Variants in RBFOX1 observed in about 807,000 individuals in gnomAD.
RBFOX1 encodes RNA binding fox-1 homolog 1.
Under a neutral mutation model 57.7 loss-of-function variants are expected in RBFOX1, and 8 were observed. That is an observed-to-expected ratio of 0.14 (90% confidence interval 0.08 to 0.25). The LOEUF is 0.25. Ranked by LOEUF, RBFOX1 falls within the 10% of genes least tolerant of loss-of-function variation. The pLI is 1.00. For missense variants in RBFOX1, 611 were observed against 548.5 expected (o/e 1.11, Z -1.14); for synonymous variants, 326 against 222.4 (o/e 1.47, Z -4.15).
intron 2 of RBFOX1, among the ~76,000 whole-genome samples, chr16:5,471,569 A>G (rs1474925852): frequency 6.6e-6 from 1 of 151,882 alleles, no homozygotes; most frequent in Non-Finnish European, 1.5e-5. Flanking sequence ...GTAGGTGCCC[A>G]CCCCCGGAGA....
In RBFOX1 at chr16:5,392,588, G is replaced by C; in HGVS notation, c.220-74628G>C. Reference sequence around the variant, plus strand: ...GGGTCTCATCGTGTCACCCAGGCTGGAGTGCAGTGGTGCAATCACGACTCA... The same window carrying C: ...GGGTCTCATCGTGTCACCCAGGCTGCAGTGCAGTGGTGCAATCACGACTCA... On this transcript the variant is annotated intron_variant, in intron 1 of 2. Coordinates refer to the RBFOX1 transcript ENST00000585867. Among the ~76,000 whole-genome samples the C allele has an allele frequency of 1.3e-5, 2 of 151,202 alleles. 1 individual carries two copies. The highest frequency in any genetic ancestry group is 1.3e-4 in the Admixed American group (2 of 15,150).
rs532751273 is a variant in RBFOX1, at chr16:5,390,295, T to C, written c.220-76921T>C. ...TCGAAAAGTAGTTTTTTTTTTCTTT[T>C]TTTTTTTTTTTTAAAGACAGTGTTG... On this transcript the variant is annotated intron_variant, in intron 1 of 2. Coordinates refer to the RBFOX1 transcript ENST00000585867. 3.6e-3 allele frequency among the ~76,000 whole-genome samples: 540 copies of C among 151,236 alleles called. 4 individuals carry two copies. The highest frequency in any genetic ancestry group is 0.012 in the African/African-American group (511 of 41,272).
intron 1 of RBFOX1, among the ~76,000 whole-genome samples, chr16:5,312,382 G>A (rs1465504172): frequency 6.6e-6 from 1 of 152,158 alleles, no homozygotes; most frequent in Non-Finnish European, 1.5e-5. Context: ...GCAGTGGCAC[G>A]TTCGTGGCTC....
chr16:7,586,939 A>G (rs1014144057), intron 6 of RBFOX1, among the ~76,000 whole-genome samples: 1 of 152,248 alleles, frequency 6.6e-6, no homozygotes. Flanking sequence ...GTATGTACAT[A>G]CTAGCCACTT....
intron 4 of RBFOX1, among the ~76,000 whole-genome samples, chr16:7,284,825 C>G (rs2095617107): frequency 6.6e-6 from 1 of 152,198 alleles, no homozygotes. Flanking sequence ...AGTGTTAGAG[C>G]TTTAAGATGG....
At chr16:7,452,261 T>C (rs1334838324) in intron 4 of RBFOX1, among the ~76,000 whole-genome samples, 1 of 152,200 alleles carries the variant, frequency 6.6e-6, no homozygotes, top group Non-Finnish European at 1.5e-5. Flanking sequence ...AATAGTCTAT[T>C]TAGGGTAACA....
chr16:5,306,711 G>T (rs759607151), intron 1 of RBFOX1, among the ~76,000 whole-genome samples: 3 of 152,168 alleles, frequency 2.0e-5, no homozygotes, highest in Non-Finnish European at 4.4e-5. Flanking sequence ...GAGAGAGCAC[G>T]CCCATGCTGC....
chr16:7,072,287 C>G (rs528497308), intron 4 of RBFOX1, among the ~76,000 whole-genome samples: 2 of 152,186 alleles, frequency 1.3e-5, no homozygotes, highest in Admixed American at 6.5e-5. Context: ...TAATGCTACT[C>G]TTATTCTTCA....
At chr16:7,304,590 G>A (rs1433504275) in intron 4 of RBFOX1, 19 of 985,168 alleles carry the variant, frequency 1.9e-5, no homozygotes, top group Non-Finnish European at 2.3e-5. Flanking sequence ...GTTCTGAGGA[G>A]GGGGCTCCCG....
intron 10 of RBFOX1, among the ~76,000 whole-genome samples, chr16:7,629,684 T>C (rs1385413532): frequency 6.6e-6 from 1 of 152,200 alleles, no homozygotes; most frequent in African/African-American, 2.4e-5. Flanking sequence ...GAGTGGGTGG[T>C]TGTTCAAAAT....
intron 3 of RBFOX1, among the ~76,000 whole-genome samples, chr16:6,973,937 C>G (rs1290119404): frequency 1.3e-5 from 2 of 152,130 alleles, no homozygotes; most frequent in South Asian, 2.1e-4. Flanking sequence ...TCCCCTCCAT[C>G]TCCCAGCAGA....
At position 6,746,059 on chromosome 16, in the gene RBFOX1, C is replaced by G. The variant is rs139015583; in HGVS notation, c.-16+91409C>G. On this transcript the variant is annotated intron_variant, in intron 3 of 15. Coordinates refer to ENST00000550418, the MANE Select transcript of RBFOX1 (RefSeq NM_018723.4). ...CAGTGAAATACTTAGAGGAACAAAT[C>G]TGATGGAAGATATGCCAGTCCTATA... Among the ~76,000 whole-genome samples the G allele has an allele frequency of 3.8e-3, 572 of 152,246 alleles. 8 individuals are homozygous for G. Among genetic ancestry groups the G allele is most frequent in the African/African-American group, 0.013 (558 of 41,540 alleles).
intron 1 of RBFOX1, among the ~76,000 whole-genome samples, chr16:6,268,354 T>C (rs1598999699): frequency 6.6e-6 from 1 of 152,274 alleles, no homozygotes; most frequent in Non-Finnish European, 1.5e-5. Context: ...ATCATCGCCT[T>C]CCAGGACAGT....
chr16:6,903,531 A>G (rs2068996612), intron 3 of RBFOX1, among the ~76,000 whole-genome samples: 1 of 152,190 alleles, frequency 6.6e-6, no homozygotes, highest in Non-Finnish European at 1.5e-5. Flanking sequence ...AAGCACTTCA[A>G]TAGGATGTGA....
chr16:7,291,815 A>G (rs369027079), intron 4 of RBFOX1, among the ~76,000 whole-genome samples: 65 of 151,052 alleles, frequency 4.3e-4, no homozygotes, highest in East Asian at 2.7e-3. Flanking sequence ...ATGGCTTTCA[A>G]TCATTACTGC....
At chr16:6,198,095 A>T (rs77971873) in intron 1 of RBFOX1, among the ~76,000 whole-genome samples, 1 of 152,188 alleles carries the variant, frequency 6.6e-6, no homozygotes, top group East Asian at 1.9e-4. Flanking sequence ...CTACATATTC[A>T]CCTGGTCCTG....
At chr16:5,925,389 A>G (rs1212058229) in intron 4 of RBFOX1, among the ~76,000 whole-genome samples, 1 of 152,216 alleles carries the variant, frequency 6.6e-6, no homozygotes, top group Non-Finnish European at 1.5e-5. Context: ...CATACTTAGT[A>G]GAAAAAACTA....
intron 1 of RBFOX1, among the ~76,000 whole-genome samples, chr16:6,073,561 G>A (rs540605605): frequency 6.6e-6 from 1 of 152,200 alleles, no homozygotes; most frequent in South Asian, 2.1e-4. Flanking sequence ...TTTCCCCCGT[G>A]TTTGCTTTAG....
chr16:6,586,332 A>G (rs980362647), intron 2 of RBFOX1, among the ~76,000 whole-genome samples: 4 of 152,206 alleles, frequency 2.6e-5, no homozygotes, highest in African/African-American at 9.7e-5. Context: ...TTCATTCCTA[A>G]GATACCTACA....
Sources: allele counts gnomAD v4.1 joint callset (sites outside exome capture counted in the v4.1 genomes callset), GRCh38; gene constraint gnomAD v4.1.1; transcripts MANE v1.5; gene names NCBI Gene and HGNC (gene_info 2026-07-23, HGNC 2026-07-21).